The following QRSL1 variants were observed in gnomAD, a reference collection of about 807,000 sequenced individuals.
QRSL1 encodes the protein glutamyl-tRNA(Gln) amidotransferase subunit A, mitochondrial.
A neutral mutation model predicts 61.6 loss-of-function variants in QRSL1; 54 were observed. That is an observed-to-expected ratio of 0.88 (90% CI 0.70 to 1.10). The LOEUF is 1.10. QRSL1 is among the 50% of genes least tolerant of loss of function. The pLI, the probability that QRSL1 is intolerant of heterozygous loss-of-function variation, is 0.00. For synonymous variants in QRSL1, 228 were observed against 225.7 expected (o/e 1.01, Z -0.09); for missense variants, 505 against 622.6 (o/e 0.81, Z 2.01).
At chr6:106,633,080 G>T (rs748112918) in intron 1 of QRSL1, among the ~76,000 whole-genome samples, 1 of 152,146 alleles carries the variant, frequency 6.6e-6, no homozygotes, top group Non-Finnish European at 1.5e-5. Context: ...TTGCCGCATG[G>T]GGGGAGAAAA....
chr6:106,638,588 A>G (rs1979348), intron 1 of QRSL1, among the ~76,000 whole-genome samples: 100,913 of 152,108 alleles, frequency 0.66, 33,811 homozygotes, highest in African/African-American at 0.73. Context: ...ACAGGCGCGA[A>G]CCACTGTGCC....
intron 9 of QRSL1, among the ~76,000 whole-genome samples, chr6:106,660,275 T>C (rs1777335550): frequency 6.6e-6 from 1 of 152,260 alleles, no homozygotes; most frequent in South Asian, 2.1e-4. Context: ...CATGGCTCAC[T>C]GGCAGCCTCG....
intron 5 of QRSL1, 75 bp from the exon 6 acceptor site, chr6:106,652,134 A>G (rs1777195298): frequency 7.3e-7 from 1 of 1,363,912 alleles, no homozygotes; most frequent in African/African-American, 1.5e-5. Flanking sequence ...TTAAAAATAT[A>G]CAATTGAAAG....
chr6:106,652,510 T>A lies in QRSL1; in HGVS notation c.777T>A (p.His259Gln). 6.2e-7 allele frequency: 1 copy of A among 1,614,256 alleles called. No individual in the cohort carries two copies. The highest frequency in any genetic ancestry group is 8.5e-7 in the Non-Finnish European group (1 of 1,180,046). ...GPDPRDSTTV[H>Q]EPINKPFMLP... The stretch of plus-strand genomic sequence containing the variant: ...ACCCCAGGGACTCTACCACAGTACA[T>A]GAACCTATTAATAAACCATTCATGC... The change falls in exon 7 of 11, where the codon CAT (histidine) becomes CAA (glutamine). Residue 259 changes from histidine (H) to glutamine (Q), a missense_variant. Physicochemically the swap from His to Gln is conservative, Grantham distance 24. Coordinates refer to ENST00000369046, the MANE Select transcript of QRSL1 (RefSeq NM_018292.5).
In QRSL1 at chr6:106,652,652, G is replaced by A. The variant is rs780208120; in HGVS notation, c.849+70G>A. 66 of 1,597,932 alleles carry A rather than the reference G, an allele frequency of 4.1e-5. No homozygotes were observed. The Middle Eastern group carries it at 8.2e-4, about 20-fold the overall frequency. Reference sequence around the variant, plus strand: ...AATAGAGAGCACAGACTTGGGAGGCGGATTGGGTGGGTTTGAATCTCTGCT... The same window carrying A: ...AATAGAGAGCACAGACTTGGGAGGCAGATTGGGTGGGTTTGAATCTCTGCT... On this transcript the variant is annotated intron_variant, in intron 7 of 10. Transcript: ENST00000369046.
chr6:106,640,280 C>A, intron 1 of QRSL1, 69 bp from the exon 2 acceptor site: 3 of 1,396,856 alleles, frequency 2.1e-6, no homozygotes, highest in East Asian at 2.3e-5. Flanking sequence ...TCTCCCCCCA[C>A]CCCCACCAAT....
chr6:106,663,759 C>G (rs1329564277), intron 10 of QRSL1, among the ~76,000 whole-genome samples: 3 of 152,124 alleles, frequency 2.0e-5, no homozygotes, highest in African/African-American at 7.2e-5. Flanking sequence ...CGTACACTTG[C>G]ATGCACTCTC....
At chr6:106,636,401 A>G (rs1336759488) in intron 1 of QRSL1, among the ~76,000 whole-genome samples, 1 of 151,268 alleles carries the variant, frequency 6.6e-6, no homozygotes, top group African/African-American at 2.4e-5. Context: ...GCTCACTGCA[A>G]CATCTGCCTC....
intron 1 of QRSL1, among the ~76,000 whole-genome samples, chr6:106,631,152 G>C (rs1776821669): frequency 6.6e-6 from 1 of 152,108 alleles, no homozygotes. Context: ...CGTGAACCCG[G>C]GAGGCGGAGC....
intron 9 of QRSL1, among the ~76,000 whole-genome samples, chr6:106,656,384 A>C (rs575834110): frequency 8.5e-5 from 13 of 152,316 alleles, no homozygotes; most frequent in African/African-American, 3.1e-4. Context: ...TATTGAATCA[A>C]CTTAGTTTTT....
intron 9 of QRSL1, among the ~76,000 whole-genome samples, chr6:106,657,391 C>T (rs960197616): frequency 2.0e-5 from 3 of 152,036 alleles, no homozygotes; most frequent in African/African-American, 7.2e-5. Flanking sequence ...TAAGTGAAAA[C>T]ATTTATTAAG....
chr6:106,654,522 T>G lies in QRSL1; in HGVS notation c.850-208T>G, dbSNP rs59448234. ...ATGTTGTTATATCCAGATCATAATA[T>G]CTAGTACTGTGCTTTGTCATACCAT... On this transcript the variant is annotated intron_variant, in intron 7 of 10. Coordinates refer to ENST00000369046, the MANE Select transcript of QRSL1 (RefSeq NM_018292.5). Among the ~76,000 whole-genome samples the G allele has an allele frequency of 8.1e-3, 1,238 of 152,312 alleles. 16 individuals are homozygous for G. Among genetic ancestry groups the G allele is most frequent in the African/African-American group, 0.029 (1,185 of 41,572 alleles).
intron 1 of QRSL1, among the ~76,000 whole-genome samples, chr6:106,634,639 G>A (rs535275407): frequency 1.3e-5 from 2 of 152,200 alleles, no homozygotes; most frequent in East Asian, 3.9e-4. Flanking sequence ...GGTGGTGCAT[G>A]CCTTTAGTCC....
chr6:106,642,121 A>T (rs1474571561), intron 3 of QRSL1, among the ~76,000 whole-genome samples: 1 of 152,118 alleles, frequency 6.6e-6, no homozygotes, highest in Non-Finnish European at 1.5e-5. Context: ...CAGTGGTGCG[A>T]TCTCGGGTCA....
Position 106,652,456 on chromosome 6 carries a change from G to T in QRSL1, c.734-11G>T. On this transcript the variant is annotated splice_polypyrimidine_tract_variant and intron_variant, in intron 6 of 10. Coordinates refer to ENST00000369046, the MANE Select transcript of QRSL1 (RefSeq NM_018292.5). The stretch of plus-strand genomic sequence containing the variant: ...AATATATCTGTCATTCATAAGTATT[G>T]CTCCTTACAGGTGCACTGGCCGGAC... 2 of 1,613,868 alleles carry T rather than the reference G, an allele frequency of 1.2e-6. No homozygotes were observed. The highest frequency in any genetic ancestry group is 1.7e-6 in the Non-Finnish European group (2 of 1,179,846).
chr6:106,652,960 C>A, intron 7 of QRSL1: 1 of 473,308 alleles, frequency 2.1e-6, no homozygotes, highest in Non-Finnish European at 3.5e-6. Flanking sequence ...GTCTCTGTTC[C>A]AATAAAACTT....
rs1777041585 is a variant in QRSL1 at position 106,642,711 on chromosome 6, T to C, written c.284-283T>C. The C allele has an allele frequency of 4.0e-6, 3 of 751,184 alleles. No individual in the cohort carries two copies. The Admixed American group carries it at 5.2e-5, about 13-fold the overall frequency. The allele number at this position is 751,184 out of a possible 1,614,324, so 46.5% of individuals were successfully genotyped here. On this transcript the variant is annotated intron_variant, in intron 3 of 10. Coordinates refer to ENST00000369046, the MANE Select transcript of QRSL1 (RefSeq NM_018292.5). The stretch of plus-strand genomic sequence containing the variant: ...AAGGGCAAGATTCTTGCCAAGAGAA[T>C]GAATGTGCATATTGAGCACAGTAAG...
intron 4 of QRSL1, 53 bp from the exon 5 acceptor site, chr6:106,648,972 T>G: frequency 6.5e-7 from 1 of 1,539,888 alleles, no homozygotes; most frequent in Non-Finnish European, 8.8e-7. Flanking sequence ...AAGATGAAAT[T>G]TTCACATAAA....
chr6:106,652,278 A>G lies in QRSL1; in HGVS notation c.627A>G (p.Lys209=). 5 of 1,614,216 alleles carry G rather than the reference A, an allele frequency of 3.1e-6. No individual in the cohort carries two copies. Among genetic ancestry groups the G allele is most frequent in the Non-Finnish European group, 4.2e-6 (5 of 1,180,040 alleles). The part of the protein sequence containing the change: ...PAAHCGLVGF[K]PSYGLVSRHG... ...CCCACTGTGGGCTTGTTGGTTTCAAACCAAGCTATGGCTTAGTTTCCCGTC... is the reference window on the plus strand; with the variant it reads ...CCCACTGTGGGCTTGTTGGTTTCAAGCCAAGCTATGGCTTAGTTTCCCGTC... Residue 209 remains lysine (K), a synonymous_variant, in exon 6 of 11, where the codon AAA becomes AAG. Transcript: ENST00000369046.
Sources: gnomAD v4.1 joint callset for allele counts (sites outside exome capture counted in the v4.1 genomes callset) on GRCh38, gnomAD v4.1.1 for gene constraint, MANE v1.5 for transcripts, NCBI Gene and HGNC (gene_info 2026-07-23, HGNC 2026-07-21) for gene names.